HAUS6: variants seen among roughly 807,000 people sequenced by gnomAD.
The protein encoded by HAUS6 is HAUS augmin-like complex subunit 6.
Under a neutral mutation model 106.8 loss-of-function variants are expected in HAUS6, and 80 were observed. The ratio of observed to expected loss-of-function variants is 0.75; its 90% CI spans 0.63 to 0.90. The LOEUF (loss-of-function observed/expected upper bound fraction) is 0.90, where lower values mean the gene tolerates loss of function less well. Among genes scored for constraint, HAUS6 ranks in the 40% least tolerant of loss-of-function variants. The pLI, the probability that HAUS6 is intolerant of heterozygous loss-of-function variation, is 0.00. For missense variants in HAUS6, 1,155 were observed against 1,118.1 expected, an observed-to-expected ratio of 1.03 and a Z score of -0.47; for synonymous variants, 356 against 379.1, an observed-to-expected ratio of 0.94 and a Z score of 0.71.
At chr9:19,086,380 G>C (rs541758333) in intron 7 of HAUS6, among the ~76,000 whole-genome samples, 1 of 152,064 alleles carries the variant, frequency 6.6e-6, no homozygotes, top group East Asian at 1.9e-4. Flanking sequence ...CAGCACTTTG[G>C]GAGGCCAAGG....
intron 4 of HAUS6, 140 bp from the exon 5 acceptor site, chr9:19,089,699 AAC>A: frequency 1.8e-6 from 1 of 561,878 alleles, no homozygotes; most frequent in Middle Eastern, 4.7e-4. Context: ...AAAAAAGGAA[AAC>A]AGACTTACAA....
chr9:19,083,585 G>A (rs71508774), intron 7 of HAUS6, among the ~76,000 whole-genome samples: 9,459 of 151,932 alleles, frequency 0.062, 413 homozygotes, highest in East Asian at 0.1. Flanking sequence ...AGCAGATCAC[G>A]AGGTCAGGAG....
intron 12 of HAUS6, among the ~76,000 whole-genome samples, chr9:19,068,138 T>C (rs1314439376): frequency 2.0e-5 from 3 of 151,830 alleles, no homozygotes; most frequent in Non-Finnish European, 2.9e-5. Context: ...GGAAGACAAA[T>C]CGAAAACATA....
intron 8 of HAUS6, among the ~76,000 whole-genome samples, 159 bp from the exon 9 acceptor site, chr9:19,080,831 T>G (rs1463431280): frequency 2.0e-5 from 3 of 150,636 alleles, no homozygotes; most frequent in African/African-American, 7.3e-5. Flanking sequence ...ACTCTGGGAG[T>G]TGGGGGTGGT....
At position 19,089,472 on chromosome 9, in the gene HAUS6, C is replaced by G. The variant is rs748171103; in HGVS notation, c.524G>C (p.Arg175Thr). 6 of 1,612,130 alleles carry G rather than the reference C, an allele frequency of 3.7e-6. No homozygotes were observed. Among genetic ancestry groups the G allele is most frequent in the Non-Finnish European group, 5.1e-6 (6 of 1,178,370 alleles). ...CIARCHFARSRFLQILQRQDC... is the reference protein window; with the variant it reads ...CIARCHFARSTFLQILQRQDC... ...TTGTCTTTGCAAAATTTGTAAAAAT[C>G]TGCTACGTGCGAAATGGCATCTGGC... Residue 175 changes from arginine (R) to threonine (T), a missense_variant, in exon 5 of 17, where the codon AGA (arginine) becomes ACA (threonine). Around this residue, in one of 3 missense-constraint regions of HAUS6, gnomAD observed 761 missense variants for 690.0 expected, o/e 1.10. Coordinates refer to ENST00000380502, the MANE Select transcript of HAUS6 (RefSeq NM_017645.5).
chr9:19,059,619 T>C (rs1483905548), intron 15 of HAUS6, among the ~76,000 whole-genome samples: 2 of 152,198 alleles, frequency 1.3e-5, no homozygotes, highest in African/African-American at 4.8e-5. Flanking sequence ...TATCAGAACT[T>C]TGCCTACACA....
chr9:19,083,292 G>A (rs1837206480), intron 7 of HAUS6, among the ~76,000 whole-genome samples: 1 of 151,834 alleles, frequency 6.6e-6, no homozygotes, highest in Admixed American at 6.6e-5. Flanking sequence ...TTTGTTTTCA[G>A]AGATGGGGTC....
chr9:19,068,442 G>T (rs191858021), intron 12 of HAUS6, among the ~76,000 whole-genome samples: 137 of 151,706 alleles, frequency 9.0e-4, no homozygotes, highest in African/African-American at 3.3e-3. Flanking sequence ...AATCCAGATA[G>T]ACTAAAATAT....
At chr9:19,057,928 A>G (rs1564005310) in intron 16 of HAUS6, 33 bp downstream of exon 16, 3 of 1,293,672 alleles carry the variant, frequency 2.3e-6, no homozygotes, top group Non-Finnish European at 3.2e-6. Context: ...AAACTTCAAC[A>G]GGTGAATATG....
At chr9:19,077,146 A>T (rs553363848) in intron 10 of HAUS6, among the ~76,000 whole-genome samples, 1 of 152,226 alleles carries the variant, frequency 6.6e-6, no homozygotes. Context: ...GCCCAGCCCT[A>T]TAACTATTTT....
intron 10 of HAUS6, 103 bp downstream of exon 10, chr9:19,078,073 C>A: frequency 2.4e-6 from 2 of 840,762 alleles, no homozygotes; most frequent in South Asian, 1.7e-5. Flanking sequence ...CAGCTATGAT[C>A]GTGCCACTCT....
chr9:19,088,314 G>A (rs1817669431), intron 5 of HAUS6, among the ~76,000 whole-genome samples: 2 of 151,990 alleles, frequency 1.3e-5, no homozygotes, highest in South Asian at 4.1e-4. Context: ...TACTCGGGAG[G>A]CTGAGGCAGG....
At chr9:19,090,142 TA>T (rs1817713250) in intron 4 of HAUS6, among the ~76,000 whole-genome samples, 1 of 151,996 alleles carries the variant, frequency 6.6e-6, no homozygotes. Context: ...CTGACACAAC[TA>T]ATGTTAATGA....
At chr9:19,079,739 C>A (rs1277765224) in intron 9 of HAUS6, among the ~76,000 whole-genome samples, 3 of 151,858 alleles carry the variant, frequency 2.0e-5, no homozygotes, top group Non-Finnish European at 2.9e-5. Flanking sequence ...CCCATCCCTA[C>A]TAAAAATACA....
chr9:19,082,272 T>G (rs971153476), intron 8 of HAUS6, among the ~76,000 whole-genome samples: 8 of 152,194 alleles, frequency 5.3e-5, no homozygotes, highest in Non-Finnish European at 1.0e-4. Flanking sequence ...GAGATCACTG[T>G]TGTTGCCTTT....
At chr9:19,061,986 G>T (rs557247501) in intron 14 of HAUS6, among the ~76,000 whole-genome samples, 25 of 152,328 alleles carry the variant, frequency 1.6e-4, no homozygotes, top group African/African-American at 5.0e-4. Context: ...GGAATAAAAA[G>T]TAACACTGAT....
Position 19,056,425 on chromosome 9 carries a change from A to G in HAUS6, c.2807-21T>C, listed in dbSNP as rs776460106. 5.2e-6 allele frequency: 7 copies of G among 1,343,558 alleles called. No homozygotes were observed. The African/African-American group carries it at 8.6e-5, about 17-fold the overall frequency. 83.2% of individuals were successfully genotyped at this position (1,343,558 alleles called of 1,614,324 possible). A position where few individuals can be genotyped will look rare whatever the true frequency, so the allele number is the denominator to read the frequency against. ...TTCTTCTGCAAATTGATTTTAAAAAAGTATAAGCAAACATTACAAAGAAAA... is the reference window on the plus strand; with the variant it reads ...TTCTTCTGCAAATTGATTTTAAAAAGGTATAAGCAAACATTACAAAGAAAA... On this transcript the variant is annotated intron_variant, in intron 16 of 16. Transcript: ENST00000380502.
chr9:19,089,086 T>C (rs1216951778), intron 5 of HAUS6, among the ~76,000 whole-genome samples: 5 of 151,852 alleles, frequency 3.3e-5, no homozygotes, highest in Non-Finnish European at 5.9e-5. Flanking sequence ...CTATTAAAAA[T>C]ACAAAAATTA....
At chr9:19,070,636 AGT>A (rs1328257626) in intron 11 of HAUS6, among the ~76,000 whole-genome samples, 4 of 152,220 alleles carry the variant, frequency 2.6e-5, no homozygotes, top group African/African-American at 9.6e-5. Flanking sequence ...AAAAAGTTAC[AGT>A]CTTAGCATAT....
Sources: allele counts gnomAD v4.1 joint callset (sites outside exome capture counted in the v4.1 genomes callset), GRCh38; gene constraint gnomAD v4.1.1; regional missense constraint gnomAD v4.1.1; transcripts MANE v1.5; gene names NCBI Gene and HGNC (gene_info 2026-07-23, HGNC 2026-07-21).